The following SGCZ variants were observed in gnomAD, a reference collection of about 807,000 sequenced individuals.
SGCZ encodes the protein zeta-sarcoglycan.
In SGCZ, 40 loss-of-function variants were observed where a neutral mutation model predicts 41.3. The ratio of observed to expected loss-of-function variants is 0.97; its 90% CI spans 0.75 to 1.26. The LOEUF is 1.26. Ranked by LOEUF, SGCZ falls within the 50% of genes most tolerant of loss-of-function variation. SGCZ has a pLI of 0.00. For synonymous variants in SGCZ, 206 were observed against 137.5 expected (o/e 1.50, Z -3.49); for missense variants, 552 against 369.8 (o/e 1.49, Z -4.04).
intron 2 of SGCZ, among the ~76,000 whole-genome samples, chr8:14,396,197 CTT>C (rs1798915196): frequency 6.6e-6 from 1 of 152,202 alleles, no homozygotes; most frequent in Middle Eastern, 3.4e-3. Context: ...GTAAATAACT[CTT>C]ATATCTGCTT....
At chr8:14,235,953 G>C (rs190896297) in intron 4 of SGCZ, among the ~76,000 whole-genome samples, 20 of 152,302 alleles carry the variant, frequency 1.3e-4, no homozygotes, top group Admixed American at 5.2e-4. Flanking sequence ...AAAGCGCTGG[G>C]ATTACAGGCA....
intron 1 of SGCZ, among the ~76,000 whole-genome samples, chr8:15,104,822 A>T (rs527364851): frequency 6.6e-6 from 1 of 152,176 alleles, no homozygotes; most frequent in Non-Finnish European, 1.5e-5. Context: ...ACCCATTTAC[A>T]TGGTTTCATT....
At chr8:14,309,903 C>T (rs367573985) in intron 3 of SGCZ, among the ~76,000 whole-genome samples, 10 of 151,692 alleles carry the variant, frequency 6.6e-5, no homozygotes, top group Admixed American at 1.3e-4. Flanking sequence ...AAAGAATATA[C>T]AGTACACATC....
chr8:14,427,459 T>C (rs1799819244), intron 2 of SGCZ, among the ~76,000 whole-genome samples: 1 of 152,206 alleles, frequency 6.6e-6, no homozygotes, highest in Admixed American at 6.5e-5. Context: ...GACCCAAAGA[T>C]ATTTTTATCT....
chr8:14,862,965 A>T (rs116684946), intron 1 of SGCZ, among the ~76,000 whole-genome samples: 2 of 152,050 alleles, frequency 1.3e-5, no homozygotes, highest in African/African-American at 4.8e-5. Flanking sequence ...GTTGACTTAT[A>T]ACTTGTGGCC....
intron 1 of SGCZ, among the ~76,000 whole-genome samples, chr8:14,696,817 A>G (rs565820745): frequency 6.6e-6 from 1 of 151,822 alleles, no homozygotes; most frequent in Non-Finnish European, 1.5e-5. Context: ...TTTAAAGTCC[A>G]GAAGGCAAGC....
At chr8:14,949,660 C>T (rs1465361905) in intron 1 of SGCZ, among the ~76,000 whole-genome samples, 1 of 152,068 alleles carries the variant, frequency 6.6e-6, no homozygotes. Flanking sequence ...TTTGCTGGCA[C>T]ATTTAATTTT....
At chr8:14,655,025 T>C (rs1396917646) in intron 1 of SGCZ, among the ~76,000 whole-genome samples, 1 of 152,070 alleles carries the variant, frequency 6.6e-6, no homozygotes, top group African/African-American at 2.4e-5. Flanking sequence ...CAGGAAATAT[T>C]ACATAATACC....
intron 1 of SGCZ, among the ~76,000 whole-genome samples, chr8:14,888,505 T>C (rs1232512944): frequency 1.3e-5 from 2 of 152,168 alleles, no homozygotes; most frequent in African/African-American, 4.8e-5. Context: ...CATAATCGTA[T>C]CATGAGCAAC....
chr8:14,702,576 G>T (rs189889934), intron 1 of SGCZ, among the ~76,000 whole-genome samples: 1 of 151,714 alleles, frequency 6.6e-6, no homozygotes, highest in African/African-American at 2.4e-5. Flanking sequence ...CAAAATTATT[G>T]ACCCAATCCC....
intron 4 of SGCZ, among the ~76,000 whole-genome samples, chr8:14,231,857 C>A (rs1355310331): frequency 3.9e-5 from 6 of 152,038 alleles, no homozygotes; most frequent in Non-Finnish European, 8.8e-5. Flanking sequence ...CATTTGGTTA[C>A]ATTTCCTTTT....
intron 2 of SGCZ, among the ~76,000 whole-genome samples, chr8:14,485,817 T>C (rs537814553): frequency 4.0e-5 from 6 of 149,024 alleles, no homozygotes; most frequent in South Asian, 2.1e-4. Flanking sequence ...AACTACTTTA[T>C]ATTTTCTCTA....
intron 1 of SGCZ, among the ~76,000 whole-genome samples, chr8:14,563,996 A>T (rs1804283127): frequency 6.6e-6 from 1 of 152,048 alleles, no homozygotes; most frequent in Non-Finnish European, 1.5e-5. Context: ...TGCTCTTCTC[A>T]CTCACTAATT....
chr8:14,198,142 A>T (rs1173142386), intron 4 of SGCZ, among the ~76,000 whole-genome samples: 1 of 152,234 alleles, frequency 6.6e-6, no homozygotes, highest in African/African-American at 2.4e-5. Flanking sequence ...TGCTGTTCTG[A>T]GTAGCATGAT....
At chr8:14,590,944 TATA>T in intron 1 of SGCZ, among the ~76,000 whole-genome samples, 1 of 150,646 alleles carries the variant, frequency 6.6e-6, no homozygotes, top group East Asian at 1.9e-4. Flanking sequence ...ATATAATGTA[TATA>T]ATGTCATAAA....
chr8:14,237,756 T>C (rs1806821669), intron 3 of SGCZ, 77 bp from the exon 4 acceptor site: 1 of 1,323,364 alleles, frequency 7.6e-7, no homozygotes, highest in Middle Eastern at 2.0e-4. Context: ...CTGCATTTGT[T>C]TGGATATTCT....
At chr8:14,141,152 A>G (rs1324071219) in intron 5 of SGCZ, among the ~76,000 whole-genome samples, 1 of 152,208 alleles carries the variant, frequency 6.6e-6, no homozygotes. Flanking sequence ...CCTTCGTTAC[A>G]CCTTGTACAA....
chr8:15,178,263 C>T (rs1800058944), intron 1 of SGCZ, among the ~76,000 whole-genome samples: 1 of 151,846 alleles, frequency 6.6e-6, no homozygotes, highest in Non-Finnish European at 1.5e-5. Context: ...GATGATAATG[C>T]AAGAGCATTA....
chr8:14,162,000 G>A (rs941399109), intron 5 of SGCZ, among the ~76,000 whole-genome samples: 20 of 152,098 alleles, frequency 1.3e-4, no homozygotes, highest in African/African-American at 4.6e-4. Flanking sequence ...ACTGCCTTAA[G>A]GCACTGAATT....
Sources: allele counts gnomAD v4.1 joint callset (sites outside exome capture counted in the v4.1 genomes callset), GRCh38; gene constraint gnomAD v4.1.1; transcripts MANE v1.5; gene names NCBI Gene and HGNC (gene_info 2026-07-23, HGNC 2026-07-21).